The following KIF13B variants were observed in gnomAD, a reference collection of about 807,000 sequenced individuals.
KIF13B encodes the protein kinesin family member 13B, also known as kinesin-like protein KIF13B.
Under a neutral mutation model 222.0 loss-of-function variants are expected in KIF13B, and 127 were observed. The observed-to-expected ratio is 0.57, with a 90% CI of 0.50 to 0.66. KIF13B has a LOEUF of 0.66. Among genes scored for constraint, KIF13B ranks in the 30% least tolerant of loss-of-function variants. The pLI is 0.00. For missense variants in KIF13B, 2,173 were observed against 2,379.0 expected (o/e 0.91, Z 1.80); for synonymous variants, 976 against 919.0 (o/e 1.06, Z -1.12).
intron 2 of KIF13B, among the ~76,000 whole-genome samples, chr8:29,244,590 T>A (rs577653239): frequency 1.3e-5 from 2 of 152,272 alleles, no homozygotes; most frequent in East Asian, 3.9e-4. Context: ...ACTCAAAAAC[T>A]GCCAAAAACA....
chr8:29,161,374 C>T (rs764612109), intron 12 of KIF13B, among the ~76,000 whole-genome samples: 2 of 152,214 alleles, frequency 1.3e-5, no homozygotes, highest in African/African-American at 4.8e-5. Context: ...AAACCCAGCA[C>T]TGCATGAAAC....
intron 8 of KIF13B, 105 bp downstream of exon 8, chr8:29,179,999 C>T: frequency 7.8e-7 from 1 of 1,283,556 alleles, no homozygotes; most frequent in African/African-American, 1.5e-5. Context: ...CATTGATACA[C>T]AAGTCTAGCC....
chr8:29,174,643 A>T (rs1026675961), intron 10 of KIF13B, among the ~76,000 whole-genome samples: 2 of 152,180 alleles, frequency 1.3e-5, no homozygotes, highest in Non-Finnish European at 2.9e-5. Flanking sequence ...AACCTTTACA[A>T]GCGGTTTTAA....
At chr8:29,179,777 G>A (rs1004517615) in intron 8 of KIF13B, among the ~76,000 whole-genome samples, 1 of 151,764 alleles carries the variant, frequency 6.6e-6, no homozygotes, top group Non-Finnish European at 1.5e-5. Flanking sequence ...TCACAGCTAT[G>A]GGTATGCCTG....
intron 2 of KIF13B, among the ~76,000 whole-genome samples, chr8:29,219,746 A>AAAATAAATAAATAAAT (rs372012234): frequency 3.1e-4 from 45 of 146,566 alleles, no homozygotes; most frequent in African/African-American, 1.1e-3. Flanking sequence ...CCCTGTTTCC[A>AAAATAAATAAATAAAT]AAATAAATAA....
At chr8:29,108,338 G>A (rs567573761) in intron 34 of KIF13B, 146 bp from the exon 35 acceptor site, 419 of 668,878 alleles carry the variant, frequency 6.3e-4, no homozygotes, top group Non-Finnish European at 9.6e-4. Context: ...CTGCACACTA[G>A]TGGTCTTTGG....
intron 2 of KIF13B, among the ~76,000 whole-genome samples, chr8:29,229,166 C>G (rs142612485): frequency 1.3e-3 from 194 of 145,774 alleles, no homozygotes; most frequent in African/African-American, 4.8e-3. Flanking sequence ...TGATGTGTAT[C>G]AGATGTCAAT....
chr8:29,072,173 G>T lies in KIF13B; in HGVS notation c.4665C>A (p.Asp1555Glu). The T allele has an allele frequency of 7.0e-7, 1 of 1,433,708 alleles. No homozygotes were observed. The highest frequency in any genetic ancestry group is 9.1e-7 in the Non-Finnish European group (1 of 1,093,884). 88.8% of individuals were successfully genotyped at this position (1,433,708 alleles called of 1,614,324 possible). ...CTTCACTCAGGGGGCTGGGGGGCCC[G>T]TCCTGTGCCTCCGGAGCCGGGGTGA... ...TAVTPAPEAQ[D>E]GPPSPLSEAS... The change falls in exon 39 of 40, where the codon GAC (aspartate) becomes GAA (glutamate). Residue 1555 changes from aspartate (D) to glutamate (E), a missense_variant. Physicochemically the swap from Asp to Glu is conservative, Grantham distance 45. Transcript: ENST00000524189.
In KIF13B at chr8:29,148,740, T is replaced by C. The variant is rs1208867671; in HGVS notation, c.1650A>G (p.Lys550=). The C allele has an allele frequency of 1.3e-6, 2 of 1,596,936 alleles. No homozygotes were observed. Among genetic ancestry groups the C allele is most frequent in the Non-Finnish European group, 8.5e-7 (1 of 1,172,770 alleles). ...FRLNLPKKKK[K]AEREDEDQDP... ...CCTGGTCCTCATCCTCTCGTTCTGC[T>C]TTCTTTTTCTTTTTAGGCAAATTGA... The change falls in exon 16 of 40, where the codon AAA becomes AAG. Residue 550 remains lysine (K), a synonymous_variant. Coordinates refer to ENST00000524189, the MANE Select transcript of KIF13B (RefSeq NM_015254.4).
chr8:29,087,940 A>T lies in KIF13B; in HGVS notation c.4458+4805T>A, dbSNP rs541700707. Among the ~76,000 whole-genome samples, 7 of 152,140 alleles carry T rather than the reference A, an allele frequency of 4.6e-5. No homozygotes were observed. In the South Asian group the frequency reaches 1.5e-3, roughly 32 times the overall value. ...AAAAAAAAAACTTCTACATAATAGT[A>T]AACTTATTCAAATATGTATATAAGA... On this transcript the variant is annotated intron_variant, in intron 37 of 39. Transcript: ENST00000524189.
chr8:29,161,755 C>T (rs1258013843), intron 12 of KIF13B, among the ~76,000 whole-genome samples: 3 of 148,326 alleles, frequency 2.0e-5, no homozygotes, highest in Admixed American at 6.7e-5. Context: ...TCTCTGTGTT[C>T]TCGTTAGCTG....
At chr8:29,143,499 G>A (rs191991159) in intron 18 of KIF13B, among the ~76,000 whole-genome samples, 18 of 152,266 alleles carry the variant, frequency 1.2e-4, no homozygotes, top group Admixed American at 5.9e-4. Flanking sequence ...AGATGGAAGC[G>A]GTGCTCACAC....
At chr8:29,187,704 A>G (rs1813000037) in intron 5 of KIF13B, among the ~76,000 whole-genome samples, 1 of 152,246 alleles carries the variant, frequency 6.6e-6, no homozygotes, top group African/African-American at 2.4e-5. Context: ...TTTTGCAAAT[A>G]TGCTTTTAAC....
At chr8:29,146,669 G>A (rs957219339) in intron 17 of KIF13B, 129 bp from the exon 18 acceptor site, 36 of 775,036 alleles carry the variant, frequency 4.6e-5, no homozygotes, top group Admixed American at 4.4e-4. Context: ...TCGTCTGCAC[G>A]CAGGGACTGT....
intron 2 of KIF13B, among the ~76,000 whole-genome samples, chr8:29,217,490 T>C (rs1310136493): frequency 1.3e-5 from 2 of 152,204 alleles, no homozygotes; most frequent in African/African-American, 4.8e-5. Context: ...ATGGGATTGC[T>C]ATGAAGATTA....
intron 35 of KIF13B, among the ~76,000 whole-genome samples, chr8:29,107,837 TAC>T (rs1809163775): frequency 1.3e-5 from 2 of 150,942 alleles, no homozygotes; most frequent in Non-Finnish European, 2.9e-5. Flanking sequence ...TGGGATTACA[TAC>T]GTGAGCCACT....
chr8:29,105,664 T>TTG lies in KIF13B; in HGVS notation c.4215+2474_4215+2475insCA, dbSNP rs1554597027. On this transcript the variant is annotated intron_variant, in intron 35 of 39. Transcript: ENST00000524189. ...GAGTTTGTTTGGTTTTTTTTTTTTT[T>TTG]TTTTTTTTTTTTGAGACAGAGTCTC... 7.7e-4 allele frequency among the ~76,000 whole-genome samples: 101 copies of TTG among 131,492 alleles called. 1 individual carries two copies. The East Asian group carries it at 0.02, about 26-fold the overall frequency. 86.3% of individuals were successfully genotyped at this position (131,492 alleles called of 152,430 possible).
rs780276513 is a variant in KIF13B at position 29,186,395 on chromosome 8, CAA to C, written c.392_393del (p.Phe131Ter). ...GLIPRLCSGL[F>X]ERTQKEENEE... is the part of the protein sequence containing the mutation. The stretch of plus-strand genomic sequence containing the variant: ...TCATTTTCCTCTTTCTGAGTTCGTT[CAA>C]AGAGTCCACTGCAAAGTCTTGGGAT... On this transcript the variant is annotated frameshift_variant, in exon 6 of 40. Transcript: ENST00000524189. LOFTEE classifies it high-confidence loss of function. The C allele has an allele frequency of 6.2e-7, 1 of 1,613,810 alleles. No homozygotes were observed. Among genetic ancestry groups the C allele is most frequent in the South Asian group, 1.1e-5 (1 of 91,068 alleles).
intron 8 of KIF13B, 80 bp from the exon 9 acceptor site, chr8:29,177,658 T>C: frequency 3.2e-6 from 3 of 943,876 alleles, no homozygotes; most frequent in Non-Finnish European, 5.2e-6. Flanking sequence ...TCCCAGCACT[T>C]TGGGAGGACA....
Sources: allele counts gnomAD v4.1 joint callset (sites outside exome capture counted in the v4.1 genomes callset), GRCh38; gene constraint gnomAD v4.1.1; transcripts MANE v1.5; gene names NCBI Gene and HGNC (gene_info 2026-07-23, HGNC 2026-07-21).